The following PARN variants were observed in gnomAD, a reference collection of about 807,000 sequenced individuals.
PARN encodes the protein poly(A)-specific ribonuclease.
Under a neutral mutation model 102.8 loss-of-function variants are expected in PARN, and 71 were observed. The observed-to-expected ratio is 0.69, with a 90% CI of 0.57 to 0.84. The LOEUF (loss-of-function observed/expected upper bound fraction) is 0.84, where lower values mean the gene tolerates loss of function less well. Among genes scored for constraint, PARN ranks in the 40% least tolerant of loss-of-function variants. PARN has a pLI of 0.00. For synonymous variants in PARN, 261 were observed against 252.9 expected (o/e 1.03, Z -0.30); for missense variants, 782 against 760.9 (o/e 1.03, Z -0.33).
At chr16:14,496,610 G>A (rs1480001804) in intron 21 of PARN, among the ~76,000 whole-genome samples, 3 of 152,048 alleles carry the variant, frequency 2.0e-5, no homozygotes, top group East Asian at 1.9e-4. Context: ...AACTACACAA[G>A]AATAATTTAA....
chr16:14,505,411 G>A (rs1964842431), intron 21 of PARN, among the ~76,000 whole-genome samples: 1 of 152,128 alleles, frequency 6.6e-6, no homozygotes, highest in African/African-American at 2.4e-5. Flanking sequence ...GGAGTTAAAG[G>A]CTGAAGCTGG....
At chr16:14,608,207 G>C (rs1012921311) in intron 9 of PARN, 74 bp downstream of exon 9, 68 of 1,072,396 alleles carry the variant, frequency 6.3e-5, no homozygotes, top group Non-Finnish European at 8.2e-5. Context: ...AAGGAAATGA[G>C]AACTAAGAGA....
intron 18 of PARN, among the ~76,000 whole-genome samples, chr16:14,557,245 A>G (rs1217038734): frequency 1.3e-5 from 2 of 152,114 alleles, no homozygotes; most frequent in African/African-American, 2.4e-5. Flanking sequence ...ACAGTTAAGG[A>G]ACATTATTAC....
intron 6 of PARN, among the ~76,000 whole-genome samples, chr16:14,615,131 A>G (rs904069006): frequency 6.6e-6 from 1 of 152,054 alleles, no homozygotes; most frequent in Non-Finnish European, 1.5e-5. Flanking sequence ...GAAAATGGAG[A>G]GAGATGAGGG....
chr16:14,501,294 C>CAATAATAATAATAATAAT (rs113060340), intron 21 of PARN, among the ~76,000 whole-genome samples: 1 of 142,162 alleles, frequency 7.0e-6, no homozygotes, highest in Non-Finnish European at 1.5e-5. Context: ...AACAAAAAAA[C>CAATAATAATAATAATAAT]AATAATAATA....
chr16:14,588,373 T>C (rs1360987854), intron 13 of PARN, among the ~76,000 whole-genome samples: 1 of 151,450 alleles, frequency 6.6e-6, no homozygotes, highest in Non-Finnish European at 1.5e-5. Flanking sequence ...AAACAAAGAG[T>C]GTGGGATTAA....
intron 9 of PARN, 52 bp downstream of exon 9, chr16:14,608,229 C>T: frequency 7.7e-7 from 1 of 1,296,776 alleles, no homozygotes; most frequent in Non-Finnish European, 1.1e-6. Flanking sequence ...TATATTTAGT[C>T]TTTAAATCCT....
intron 10 of PARN, among the ~76,000 whole-genome samples, 163 bp downstream of exon 10, chr16:14,606,321 C>G (rs917944822): frequency 4.0e-5 from 6 of 151,572 alleles, no homozygotes; most frequent in African/African-American, 1.5e-4. Flanking sequence ...TCACCTGAGC[C>G]CAGGAAGTCA....
chr16:14,498,981 G>A (rs1388203308), intron 21 of PARN, among the ~76,000 whole-genome samples: 3 of 152,204 alleles, frequency 2.0e-5, no homozygotes, highest in Non-Finnish European at 2.9e-5. Flanking sequence ...AAATGGTGGC[G>A]CAAATCTGAG....
intron 7 of PARN, 74 bp downstream of exon 7, chr16:14,610,570 G>C: frequency 2.3e-6 from 2 of 888,796 alleles, no homozygotes; most frequent in Non-Finnish European, 3.8e-6. Context: ...TAAAGCACAG[G>C]TTTGAGATAT....
intron 1 of PARN, 94 bp from the exon 2 acceptor site, chr16:14,629,768 G>T: frequency 1.1e-6 from 1 of 947,552 alleles, no homozygotes; most frequent in Non-Finnish European, 1.7e-6. Context: ...GAGGCTGAGA[G>T]CCGGAAGGGG....
At chr16:14,618,591 G>A (rs1972082151) in intron 5 of PARN, among the ~76,000 whole-genome samples, 1 of 151,048 alleles carries the variant, frequency 6.6e-6, no homozygotes, top group Non-Finnish European at 1.5e-5. Context: ...AGTTTGGGAG[G>A]TGGAGGTTGC....
At chr16:14,628,798 G>T (rs1381204261) in intron 2 of PARN, among the ~76,000 whole-genome samples, 1 of 152,096 alleles carries the variant, frequency 6.6e-6, no homozygotes, top group Admixed American at 6.5e-5. Context: ...TTCAAACATG[G>T]AAAATCAGAC....
intron 21 of PARN, among the ~76,000 whole-genome samples, chr16:14,491,266 CT>C (rs1964044473): frequency 6.6e-6 from 1 of 150,862 alleles, no homozygotes; most frequent in Admixed American, 6.6e-5. Context: ...GTACACCCAA[CT>C]GGTGTACCAG....
chr16:14,603,047 A>G (rs1480658772), intron 11 of PARN, among the ~76,000 whole-genome samples: 1 of 152,030 alleles, frequency 6.6e-6, no homozygotes, highest in Non-Finnish European at 1.5e-5. Flanking sequence ...CAGCCTCCCA[A>G]GTAGCTAGGA....
chr16:14,561,331 TG>T (rs1049913775), intron 18 of PARN, among the ~76,000 whole-genome samples: 2 of 152,056 alleles, frequency 1.3e-5, no homozygotes, highest in Non-Finnish European at 2.9e-5. Context: ...CCTGGGAACT[TG>T]TTAGAGATGC....
chr16:14,595,346 G>GCA (rs955878357), intron 12 of PARN, among the ~76,000 whole-genome samples: 68 of 151,818 alleles, frequency 4.5e-4, no homozygotes, highest in East Asian at 2.5e-3. Flanking sequence ...ACACCCATGC[G>GCA]CACACACACA....
chr16:14,582,871 C>T (rs1969616504), intron 16 of PARN, among the ~76,000 whole-genome samples: 2 of 152,108 alleles, frequency 1.3e-5, no homozygotes, highest in South Asian at 4.1e-4. Flanking sequence ...ATAAGTTAAA[C>T]TCTTACCTAG....
intron 22 of PARN, among the ~76,000 whole-genome samples, chr16:14,476,599 G>A (rs909470486): frequency 1.3e-5 from 2 of 152,242 alleles, no homozygotes; most frequent in East Asian, 1.9e-4. Flanking sequence ...AGAGGCGGAG[G>A]TGGGAGGATC....
Sources: allele counts gnomAD v4.1 joint callset (sites outside exome capture counted in the v4.1 genomes callset), GRCh38; gene constraint gnomAD v4.1.1; transcripts MANE v1.5; gene names NCBI Gene and HGNC (gene_info 2026-07-23, HGNC 2026-07-21).